The following RAP1A variants were observed in gnomAD, a reference collection of about 807,000 sequenced individuals.
RAP1A encodes RAP1A, member of RAS oncogene family.
In RAP1A, 6 loss-of-function variants were observed where a neutral mutation model predicts 26.4. That is an observed-to-expected ratio of 0.23 (90% confidence interval 0.12 to 0.45). The LOEUF is 0.45. RAP1A is among the 20% of genes least tolerant of loss of function. The pLI is 0.99. For missense variants in RAP1A, 121 were observed against 217.2 expected (o/e 0.56, Z 2.78); for synonymous variants, 73 against 79.4 (o/e 0.92, Z 0.43).
rs958129923 is a variant in RAP1A, at chr1:111,713,479, A to T, written c.*1078A>T. On this transcript the variant is annotated 3_prime_UTR_variant, in exon 8 of 8. Coordinates refer to ENST00000369709, the MANE Select transcript of RAP1A (RefSeq NM_002884.4). ...CTATTTCAGATCTTCCACAGCTTGT[A>T]ATTTCATCAAGGGAATCCTTTTGCA... The T allele has an allele frequency of 6.6e-6, 1 of 152,174 alleles. No individual in the cohort carries two copies. The highest frequency in any genetic ancestry group is 1.5e-5 in the Non-Finnish European group (1 of 68,014). The allele number at this position is 152,174 out of a possible 1,614,324, so 9.4% of individuals were successfully genotyped here.
chr1:111,636,948 G>A (rs1245249896), intron 1 of RAP1A, among the ~76,000 whole-genome samples: 4 of 152,130 alleles, frequency 2.6e-5, no homozygotes, highest in African/African-American at 9.7e-5. Context: ...ATGGAGTGGT[G>A]TGATGATGTA....
At position 111,668,253 on chromosome 1, in the gene RAP1A, A is replaced by G. The variant is rs114341089; in HGVS notation, c.-27-23081A>G. 1.9e-3 allele frequency among the ~76,000 whole-genome samples: 284 copies of G among 152,334 alleles called. 1 individual carries two copies. Among genetic ancestry groups the G allele is most frequent in the African/African-American group, 6.1e-3 (254 of 41,564 alleles). On this transcript the variant is annotated intron_variant, in intron 1 of 7. Transcript: ENST00000369709. ...GCAGAAGCAAATGCACATCACAGTAAAAGATCACACAACTCAAAAAGAAAA... is the reference window on the plus strand; with the variant it reads ...GCAGAAGCAAATGCACATCACAGTAGAAGATCACACAACTCAAAAAGAAAA...
chr1:111,617,011 C>CGT (rs376238823), upstream of RAP1A, among the ~76,000 whole-genome samples: 1 of 152,094 alleles, frequency 6.6e-6, no homozygotes, highest in Non-Finnish European at 1.5e-5. Flanking sequence ...AAGGTCCATA[C>CGT]GTGTGTGTGT....
At chr1:111,548,744 A>T (rs777946068) in intron 1 of RAP1A, among the ~76,000 whole-genome samples, 1 of 152,176 alleles carries the variant, frequency 6.6e-6, no homozygotes, top group Non-Finnish European at 1.5e-5. Flanking sequence ...TGAGTTATCC[A>T]TTGCTGATTT....
chr1:111,684,866 T>A (rs1471783259), intron 1 of RAP1A, among the ~76,000 whole-genome samples: 1 of 152,126 alleles, frequency 6.6e-6, no homozygotes, highest in East Asian at 1.9e-4. Flanking sequence ...GGTATCACAC[T>A]ACCGGACTTC....
intron 1 of RAP1A, among the ~76,000 whole-genome samples, chr1:111,548,137 C>T (rs1427349851): frequency 6.6e-6 from 1 of 152,234 alleles, no homozygotes; most frequent in Non-Finnish European, 1.5e-5. Context: ...TCTCCTGCCT[C>T]AGCCTCCTGA....
intron 1 of RAP1A, among the ~76,000 whole-genome samples, chr1:111,688,975 T>TA (rs1661586680): frequency 6.6e-6 from 1 of 151,564 alleles, no homozygotes; most frequent in Non-Finnish European, 1.5e-5. Context: ...GCTGGGACCA[T>TA]AGGCACATGC....
intron 2 of RAP1A, among the ~76,000 whole-genome samples, chr1:111,693,020 A>G (rs905805431): frequency 1.2e-4 from 18 of 152,192 alleles, no homozygotes; most frequent in African/African-American, 4.3e-4. Context: ...AAAGAGGTCT[A>G]GGGAGATACT....
chr1:111,547,642 A>G (rs1352823329), intron 1 of RAP1A, among the ~76,000 whole-genome samples: 2 of 152,198 alleles, frequency 1.3e-5, no homozygotes, highest in African/African-American at 2.4e-5. Flanking sequence ...AACTGAAGAA[A>G]AATTGGTGCC....
intron 1 of RAP1A, among the ~76,000 whole-genome samples, chr1:111,688,810 T>G (rs1242410960): frequency 8.1e-6 from 1 of 124,148 alleles, no homozygotes; most frequent in African/African-American, 3.2e-5. Context: ...TTGTTTTTGT[T>G]TTTTTTTTTT....
chr1:111,583,287 C>T (rs1041045147), intron 1 of RAP1A, among the ~76,000 whole-genome samples: 21 of 58,228 alleles, frequency 3.6e-4, no homozygotes, highest in Non-Finnish European at 7.5e-4. Context: ...AATGCTCATG[C>T]TTTAAAAAAA....
chr1:111,559,357 C>T (rs1314574198), intron 1 of RAP1A, among the ~76,000 whole-genome samples: 2 of 152,170 alleles, frequency 1.3e-5, no homozygotes, highest in Non-Finnish European at 2.9e-5. Flanking sequence ...TGAACACCCA[C>T]TATTAGGCAT....
chr1:111,683,814 G>T (rs1451041565), intron 1 of RAP1A, among the ~76,000 whole-genome samples: 1 of 152,150 alleles, frequency 6.6e-6, no homozygotes. Flanking sequence ...CATTTTATGA[G>T]GCCAGTGTCA....
chr1:111,624,465 C>T (rs557243088), intron 1 of RAP1A, among the ~76,000 whole-genome samples: 13 of 152,328 alleles, frequency 8.5e-5, no homozygotes, highest in African/African-American at 2.6e-4. Context: ...AATTCACATT[C>T]TCTCAGTCTC....
At chr1:111,693,724 T>C (rs572977907) in intron 2 of RAP1A, among the ~76,000 whole-genome samples, 2 of 152,148 alleles carry the variant, frequency 1.3e-5, no homozygotes, top group Non-Finnish European at 2.9e-5. Context: ...ACATGTTCTA[T>C]ACCCTTTGGA....
intron 1 of RAP1A, among the ~76,000 whole-genome samples, chr1:111,642,805 AG>A (rs1659936901): frequency 2.1e-5 from 1 of 48,588 alleles, no homozygotes; most frequent in Admixed American, 2.3e-4. Context: ...TTTTTTTTTG[AG>A]GCAAAGTCTC....
intron 1 of RAP1A, among the ~76,000 whole-genome samples, chr1:111,575,483 T>C (rs1240403413): frequency 6.6e-6 from 1 of 152,224 alleles, no homozygotes; most frequent in Non-Finnish European, 1.5e-5. Context: ...AAGCTTCTGT[T>C]TCTTCATCTG....
At chr1:111,661,397 A>C (rs1010955937) in intron 1 of RAP1A, among the ~76,000 whole-genome samples, 2 of 152,210 alleles carry the variant, frequency 1.3e-5, no homozygotes, top group African/African-American at 4.8e-5. Context: ...ATGGTAGCTT[A>C]TTTAGTCTGT....
intron 1 of RAP1A, among the ~76,000 whole-genome samples, chr1:111,679,093 C>T (rs1043925441): frequency 5.9e-5 from 9 of 152,094 alleles, no homozygotes; most frequent in Non-Finnish European, 8.8e-5. Context: ...GTGGGGGTTC[C>T]GGGTAAGATG....
Sources: gnomAD v4.1 joint callset for allele counts (sites outside exome capture counted in the v4.1 genomes callset) on GRCh38, gnomAD v4.1.1 for gene constraint, MANE v1.5 for transcripts, NCBI Gene and HGNC (gene_info 2026-07-23, HGNC 2026-07-21) for gene names.